SLC24A2: variants seen among roughly 807,000 people sequenced by gnomAD.
SLC24A2 encodes sodium/potassium/calcium exchanger 2.
In SLC24A2, 36 loss-of-function variants were observed where a neutral mutation model predicts 62.0. That is an observed-to-expected ratio of 0.58 (90% confidence interval 0.44 to 0.77). The LOEUF is 0.77. Among genes scored for constraint, SLC24A2 ranks in the 30% least tolerant of loss-of-function variants. SLC24A2 has a pLI of 0.00. For missense variants in SLC24A2, 846 were observed against 817.9 expected, an observed-to-expected ratio of 1.03 and a Z score of -0.42; for synonymous variants, 358 against 294.0, an observed-to-expected ratio of 1.22 and a Z score of -2.23.
the SLC24A2 span, among the ~76,000 whole-genome samples, chr9:20,115,116 C>A: frequency 6.6e-6 from 1 of 152,116 alleles, no homozygotes; most frequent in South Asian, 2.1e-4. Context: ...TAGCCTGGGA[C>A]AAAGTTCCTC....
chr9:19,796,032 AAC>A, the SLC24A2 span, among the ~76,000 whole-genome samples: 2 of 149,922 alleles, frequency 1.3e-5, no homozygotes, highest in African/African-American at 4.9e-5. Flanking sequence ...CAAAAAACCA[AAC>A]ACTGCATGTT....
At chr9:19,673,147 A>C (rs1396757123) in intron 2 of SLC24A2, among the ~76,000 whole-genome samples, 2 of 146,506 alleles carry the variant, frequency 1.4e-5, no homozygotes, top group Non-Finnish European at 3.0e-5. Context: ...GAAGTCCTCC[A>C]ATATTAATTG....
At chr9:19,542,381 GCAAA>G (rs1380288319) in intron 8 of SLC24A2, among the ~76,000 whole-genome samples, 2 of 152,204 alleles carry the variant, frequency 1.3e-5, no homozygotes, top group Non-Finnish European at 2.9e-5. Context: ...CATGTCATCT[GCAAA>G]CAGAGACAAT....
the SLC24A2 span, among the ~76,000 whole-genome samples, chr9:19,938,050 TAGTG>T: frequency 1.3e-5 from 2 of 152,200 alleles, no homozygotes; most frequent in Non-Finnish European, 2.9e-5. Flanking sequence ...CATTAACTAT[TAGTG>T]AGTCTTTTCT....
chr9:19,605,371 A>C (rs1836956229), intron 4 of SLC24A2, among the ~76,000 whole-genome samples: 1 of 152,200 alleles, frequency 6.6e-6, no homozygotes, highest in Non-Finnish European at 1.5e-5. Flanking sequence ...ACCCAAATGA[A>C]ATCTGGCCTT....
At chr9:20,076,684 G>C in the SLC24A2 span, among the ~76,000 whole-genome samples, 1 of 151,936 alleles carries the variant, frequency 6.6e-6, no homozygotes, top group Non-Finnish European at 1.5e-5. Flanking sequence ...AGAGCTAAAG[G>C]GAAGAACAAG....
At chr9:19,578,559 T>A (rs1409512454) in intron 5 of SLC24A2, among the ~76,000 whole-genome samples, 2 of 152,136 alleles carry the variant, frequency 1.3e-5, no homozygotes, top group Non-Finnish European at 2.9e-5. Context: ...GATGTATTTT[T>A]TTTTTTTCCG....
chr9:19,741,556 C>T (rs1447662230), intron 2 of SLC24A2, among the ~76,000 whole-genome samples: 2 of 152,182 alleles, frequency 1.3e-5, no homozygotes, highest in Non-Finnish European at 2.9e-5. Context: ...CTCTTTGACC[C>T]TCCAGGCCTA....
At chr9:19,532,759 G>T (rs1189561944) in intron 8 of SLC24A2, among the ~76,000 whole-genome samples, 3 of 152,266 alleles carry the variant, frequency 2.0e-5, no homozygotes, top group Admixed American at 6.5e-5. Context: ...TTGGCACATA[G>T]TAGACACTGA....
the SLC24A2 span, among the ~76,000 whole-genome samples, chr9:19,961,272 T>C: frequency 9.9e-4 from 151 of 152,180 alleles, no homozygotes; most frequent in Non-Finnish European, 1.8e-3. Flanking sequence ...TTTTACTCAC[T>C]GGTATCTTCA....
chr9:19,659,188 GA>G (rs373460279), intron 2 of SLC24A2, among the ~76,000 whole-genome samples: 305 of 152,266 alleles, frequency 2.0e-3, no homozygotes, highest in Middle Eastern at 6.8e-3. Flanking sequence ...TGAAGGCAGA[GA>G]TTCCAATTAT....
chr9:20,128,543 A>C, the SLC24A2 span, among the ~76,000 whole-genome samples: 3 of 152,136 alleles, frequency 2.0e-5, no homozygotes, highest in Non-Finnish European at 4.4e-5. Context: ...AATCAGAACA[A>C]CATTCAAAAG....
the SLC24A2 span, among the ~76,000 whole-genome samples, chr9:20,265,364 C>T: frequency 6.6e-6 from 1 of 152,168 alleles, no homozygotes; most frequent in Non-Finnish European, 1.5e-5. Flanking sequence ...CCAGCTGAAA[C>T]CATGGCGGAA....
At chr9:20,108,761 A>G in the SLC24A2 span, among the ~76,000 whole-genome samples, 1 of 152,040 alleles carries the variant, frequency 6.6e-6, no homozygotes, top group African/African-American at 2.4e-5. Flanking sequence ...TGATGAGTTA[A>G]TGGGTGCAGC....
chr9:19,797,780 C>T, the SLC24A2 span, among the ~76,000 whole-genome samples: 1 of 152,190 alleles, frequency 6.6e-6, no homozygotes, highest in Admixed American at 6.5e-5. Flanking sequence ...TCTGGCTTAG[C>T]TTCTACAGAG....
chr9:19,558,215 G>T (rs372190422), intron 7 of SLC24A2, among the ~76,000 whole-genome samples: 1 of 152,176 alleles, frequency 6.6e-6, no homozygotes, highest in Non-Finnish European at 1.5e-5. Flanking sequence ...GGGCAGACCT[G>T]GGGGTGTGTG....
chr9:19,962,005 T>C, the SLC24A2 span, among the ~76,000 whole-genome samples: 1 of 152,236 alleles, frequency 6.6e-6, no homozygotes, highest in African/African-American at 2.4e-5. Flanking sequence ...TTTAAGCTGC[T>C]ATGTTTGGGG....
the SLC24A2 span, among the ~76,000 whole-genome samples, chr9:19,851,213 T>C: frequency 4.7e-5 from 7 of 149,302 alleles, no homozygotes; most frequent in Non-Finnish European, 1.0e-4. Flanking sequence ...TTAGTAGAGA[T>C]GGGGTTTCAC....
At chr9:19,756,729 G>C (rs1164791997) in intron 2 of SLC24A2, among the ~76,000 whole-genome samples, 1 of 151,990 alleles carries the variant, frequency 6.6e-6, no homozygotes, top group African/African-American at 2.4e-5. Flanking sequence ...TTCAGACCAG[G>C]CTCTTTGAAA....
Sources: allele counts gnomAD v4.1 joint callset (sites outside exome capture counted in the v4.1 genomes callset), GRCh38; gene constraint gnomAD v4.1.1; transcripts MANE v1.5; gene names NCBI Gene and HGNC (gene_info 2026-07-23, HGNC 2026-07-21).